The following FAM193B variants were observed in gnomAD, a reference collection of about 807,000 sequenced individuals.
FAM193B encodes the protein family with sequence similarity 193 member B, also known as protein FAM193B.
Under a neutral mutation model 70.7 loss-of-function variants are expected in FAM193B, and 27 were observed. The observed-to-expected ratio is 0.38, with a 90% CI of 0.28 to 0.53. The LOEUF is 0.53. Among genes scored for constraint, FAM193B ranks in the 20% least tolerant of loss-of-function variants. FAM193B has a pLI of 0.81. For missense variants in FAM193B, 1,022 were observed against 1,072.5 expected (o/e 0.95, Z 0.66); for synonymous variants, 448 against 436.0 (o/e 1.03, Z -0.34).
Position 177,532,799 on chromosome 5 carries a change from C to T in FAM193B, c.1077-158G>A, listed in dbSNP as rs1467671163. Among the ~76,000 whole-genome samples the T allele has an allele frequency of 3.3e-5, 5 of 152,208 alleles. No homozygotes were observed. The highest frequency in any genetic ancestry group is 7.3e-5 in the Non-Finnish European group (5 of 68,038). ...CATTGCACCTCTCACCTGAACAGGG[C>T]GAACACCTGCACTGTCCCTCAAGGC... On this transcript the variant is annotated intron_variant, in intron 4 of 8. Coordinates refer to ENST00000514747, the MANE Select transcript of FAM193B (RefSeq NM_001190946.3). This position sits in a 1 kb window ranked among gnomAD's most constrained non-coding sequence, Gnocchi z 4.9.
intron 1 of FAM193B, among the ~76,000 whole-genome samples, chr5:177,546,362 G>A (rs557790053): frequency 1.3e-5 from 2 of 152,358 alleles, no homozygotes; most frequent in South Asian, 4.1e-4. Flanking sequence ...GGGGCAGTGT[G>A]TGGACCTTGG....
intron 1 of FAM193B, chr5:177,553,827 T>G (rs1383821217): frequency 7.8e-7 from 1 of 1,283,218 alleles, no homozygotes; most frequent in Non-Finnish European, 1.0e-6. Context: ...GTGGAGCCGT[T>G]CCCGGGGGCA....
intron 8 of FAM193B, among the ~76,000 whole-genome samples, chr5:177,520,509 G>GC (rs1365606578): frequency 6.6e-6 from 1 of 152,224 alleles, no homozygotes; most frequent in East Asian, 1.9e-4. Context: ...TAGGTGCACA[G>GC]CCCGGGGGAG....
chr5:177,524,089 C>G, intron 6 of FAM193B, 57 bp from the exon 7 acceptor site: 5 of 1,613,184 alleles, frequency 3.1e-6, no homozygotes, highest in Non-Finnish European at 8.5e-7. Context: ...TGGGGTTATG[C>G]TCTGGGGGCA....
At chr5:177,525,560 GGGT>G (rs1762466499) in intron 5 of FAM193B, 1 of 196,294 alleles carries the variant, frequency 5.1e-6, no homozygotes, top group Non-Finnish European at 1.0e-5. Flanking sequence ...CCACCCCTAC[GGGT>G]GGTGGGGAAA....
intron 3 of FAM193B, 141 bp downstream of exon 3, chr5:177,537,732 G>T: frequency 8.1e-7 from 1 of 1,235,864 alleles, no homozygotes; most frequent in Non-Finnish European, 1.1e-6. Context: ...CAAGGTCTAA[G>T]CTGCCCCTGC....
chr5:177,548,652 G>C (rs1765780301), intron 1 of FAM193B, among the ~76,000 whole-genome samples: 1 of 152,170 alleles, frequency 6.6e-6, no homozygotes, highest in Non-Finnish European at 1.5e-5. Flanking sequence ...GACTGACTCT[G>C]TAAGTCTGGG....
At chr5:177,539,420 A>C in intron 1 of FAM193B, 2 of 358,984 alleles carry the variant, frequency 5.6e-6, no homozygotes, top group Non-Finnish European at 1.0e-5. Flanking sequence ...TGGCTCCAAA[A>C]CTCATGCTCA....
At chr5:177,523,654 C>A (rs1300799056) in intron 7 of FAM193B, among the ~76,000 whole-genome samples, 2 of 152,262 alleles carry the variant, frequency 1.3e-5, no homozygotes, top group African/African-American at 4.8e-5. Flanking sequence ...TCAGCCCAGG[C>A]AAAGCAGAGA....
chr5:177,537,787 T>C (rs1206273702), intron 3 of FAM193B, 86 bp downstream of exon 3: 3 of 1,472,610 alleles, frequency 2.0e-6, no homozygotes, highest in African/African-American at 1.4e-5. Flanking sequence ...GTAACCAGTC[T>C]TATGATTTGT....
chr5:177,525,165 T>C lies in FAM193B; in HGVS notation c.1316A>G (p.Gln439Arg). 6.6e-7 allele frequency: 1 copy of C among 1,506,456 alleles called. No individual in the cohort carries two copies. Among genetic ancestry groups the C allele is most frequent in the Non-Finnish European group, 8.9e-7 (1 of 1,127,630 alleles). The allele number at this position is 1,506,456 out of a possible 1,614,324, so 93.3% of individuals were successfully genotyped here. ...CCGGCTTCCAGAAACACGATTTGCC[T>C]GCTTTAGAGCTTCTGCTGCCAACTG... is the stretch of plus-strand genomic sequence containing the variant. ...KAQLAAEALK[Q>R]ANRVSGSREP... Residue 439 changes from glutamine to arginine, a missense_variant, in exon 6 of 9, where the codon CAG becomes CGG. Physicochemically the swap from Gln to Arg is conservative, Grantham distance 43. Coordinates refer to ENST00000514747, the MANE Select transcript of FAM193B (RefSeq NM_001190946.3).
chr5:177,540,487 G>A (rs986101116), intron 1 of FAM193B, among the ~76,000 whole-genome samples: 3 of 152,110 alleles, frequency 2.0e-5, no homozygotes, highest in South Asian at 2.1e-4. Flanking sequence ...TGGCCAATGG[G>A]ATGTTAGCAA....
chr5:177,522,729 A>G (rs1375993707), intron 7 of FAM193B, among the ~76,000 whole-genome samples: 1 of 152,142 alleles, frequency 6.6e-6, no homozygotes, highest in Non-Finnish European at 1.5e-5. Context: ...ATTTTTATTT[A>G]TTTGAGACAG....
At chr5:177,553,809 G>A (rs1424605891) in intron 1 of FAM193B, 2 of 1,286,816 alleles carry the variant, frequency 1.6e-6, no homozygotes, top group South Asian at 1.2e-5. Flanking sequence ...GGCGCTGCAG[G>A]GGACGGAGTG....
At position 177,554,262 on chromosome 5, in the gene FAM193B, A is replaced by C. The variant is rs1283446232; in HGVS notation, c.197T>G (p.Val66Gly). Residue 66 changes from valine to glycine, a missense_variant, in exon 1 of 9, where the codon GTG becomes GGG. Transcript: ENST00000514747. ...GPREDDEPNL[V>G]PGPQVPPASS... is the part of the protein sequence containing the mutation. ...GCTCGCTCCTACCTGCGGGCCGGGC[A>C]CCAGGTTGGGTTCGTCATCCTCCCT... 6.8e-7 allele frequency: 1 copy of C among 1,477,000 alleles called. No homozygotes were observed. Among genetic ancestry groups the C allele is most frequent in the East Asian group, 2.9e-5 (1 of 34,446 alleles). The allele number at this position is 1,477,000 out of a possible 1,614,324, so 91.5% of individuals were successfully genotyped here.
intron 1 of FAM193B, chr5:177,553,672 T>C (rs1355400626): frequency 1.6e-6 from 2 of 1,285,122 alleles, no homozygotes; most frequent in African/African-American, 3.0e-5. Context: ...TTCTGCTGGG[T>C]TTCCACCTCA....
chr5:177,547,673 T>C (rs1031332838), intron 1 of FAM193B, among the ~76,000 whole-genome samples: 1 of 152,212 alleles, frequency 6.6e-6, no homozygotes, highest in African/African-American at 2.4e-5. Context: ...TTTCTGGCTA[T>C]AACTTCCTAA....
Position 177,538,860 on chromosome 5 carries a change from G to A in FAM193B, c.453+45C>T, listed in dbSNP as rs1174843455. 1 of 1,605,954 alleles carries A rather than the reference G, an allele frequency of 6.2e-7. No homozygotes were observed. Among genetic ancestry groups the A allele is most frequent in the East Asian group, 2.2e-5 (1 of 44,748 alleles). On this transcript the variant is annotated intron_variant, in intron 2 of 8. Coordinates refer to ENST00000514747, the MANE Select transcript of FAM193B (RefSeq NM_001190946.3). The surrounding 1 kb of genome is among the most constrained non-coding windows in gnomAD (Gnocchi z 4.1). ...CAGGGAACAGCCTGACTTCCTTGGG[G>A]AGGAGCCCTCCTGCATTCAGGGACC...
intron 1 of FAM193B, among the ~76,000 whole-genome samples, chr5:177,552,678 A>C (rs1008684492): frequency 2.6e-5 from 4 of 152,182 alleles, no homozygotes; most frequent in Admixed American, 2.6e-4. Flanking sequence ...TGGGGTTGGA[A>C]GCTAGACCCA....
Sources: gnomAD v4.1 joint callset for allele counts (sites outside exome capture counted in the v4.1 genomes callset) on GRCh38, gnomAD v4.1.1 for gene constraint, Gnocchi (gnomAD v3.1) non-coding constraint, MANE v1.5 for transcripts, NCBI Gene and HGNC (gene_info 2026-07-23, HGNC 2026-07-21) for gene names.